The following LAMC1 variants were observed in gnomAD, a reference collection of about 807,000 sequenced individuals.
The protein encoded by LAMC1 is laminin subunit gamma-1.
In LAMC1, 38 loss-of-function variants were observed where a neutral mutation model predicts 173.6. The ratio of observed to expected loss-of-function variants is 0.22; its 90% CI spans 0.17 to 0.29. The LOEUF (loss-of-function observed/expected upper bound fraction) is 0.29, where lower values mean the gene tolerates loss of function less well. LAMC1 is among the 10% of genes least tolerant of loss of function. LAMC1 has a pLI of 1.00. For synonymous variants in LAMC1, 746 were observed against 749.1 expected (o/e 1.00, Z 0.07); for missense variants, 1,824 against 2,051.8 (o/e 0.89, Z 2.14).
chr1:183,136,871 A>AG (rs948411738), intron 25 of LAMC1, among the ~76,000 whole-genome samples: 23 of 152,308 alleles, frequency 1.5e-4, no homozygotes, highest in African/African-American at 5.5e-4. Context: ...ACAAAAAATC[A>AG]GACTTTTTCT....
intron 1 of LAMC1, among the ~76,000 whole-genome samples, chr1:183,054,575 G>C (rs970218490): frequency 2.1e-4 from 32 of 152,214 alleles, no homozygotes; most frequent in African/African-American, 7.5e-4. Context: ...GGGTAAATAA[G>C]GTCTTTTGAC....
rs111291713 is a variant in LAMC1, at chr1:183,087,817, CT to C, written c.419-15498del. ...GCATTTATTTATTTTCTTTTCTTTC[CT>C]TTTTTTTTTTTTGAGACGGAGTTTT... is the stretch of plus-strand genomic sequence containing the variant. On this transcript the variant is annotated intron_variant, in intron 1 of 27. Coordinates refer to ENST00000258341, the MANE Select transcript of LAMC1 (RefSeq NM_002293.4). 1.6e-3 allele frequency among the ~76,000 whole-genome samples: 235 copies of C among 143,404 alleles called. 1 individual carries two copies. The highest frequency in any genetic ancestry group is 8.6e-3 in the East Asian group (43 of 5,000). The allele number at this position is 143,404 out of a possible 152,430, so 94.1% of individuals were successfully genotyped here. A position where few individuals can be genotyped will look rare whatever the true frequency, so the allele number is the denominator to read the frequency against.
chr1:183,052,535 T>C (rs185436357), intron 1 of LAMC1, among the ~76,000 whole-genome samples: 2 of 152,286 alleles, frequency 1.3e-5, no homozygotes, highest in East Asian at 3.9e-4. Flanking sequence ...AGTTTCACCA[T>C]GTTGGCCAGG....
chr1:183,132,853 AG>A (rs1441305632), intron 21 of LAMC1, among the ~76,000 whole-genome samples: 2 of 152,204 alleles, frequency 1.3e-5, no homozygotes, highest in Non-Finnish European at 2.9e-5. Flanking sequence ...AAATCTTTAA[AG>A]GGTGTCTGAA....
At chr1:183,129,456 G>C (rs1392647048) in intron 18 of LAMC1, among the ~76,000 whole-genome samples, 2 of 152,132 alleles carry the variant, frequency 1.3e-5, no homozygotes, top group African/African-American at 4.8e-5. Context: ...AGTTAGGCAA[G>C]AGTTTGTAGA....
intron 1 of LAMC1, among the ~76,000 whole-genome samples, chr1:183,084,372 A>C (rs889732727): frequency 6.6e-6 from 1 of 152,106 alleles, no homozygotes; most frequent in Non-Finnish European, 1.5e-5. Context: ...CATATTATTT[A>C]CAACATCAGC....
chr1:183,050,856 A>C (rs1654406418), intron 1 of LAMC1, among the ~76,000 whole-genome samples: 1 of 144,742 alleles, frequency 6.9e-6, no homozygotes, highest in Non-Finnish European at 1.5e-5. Context: ...GTGCTGTTGC[A>C]TTCCAGCCTG....
chr1:183,057,889 T>C (rs551508573), intron 1 of LAMC1, among the ~76,000 whole-genome samples: 2 of 152,334 alleles, frequency 1.3e-5, no homozygotes, highest in African/African-American at 4.8e-5. Flanking sequence ...ATAAATATTA[T>C]GTGCTCTAAC....
intron 2 of LAMC1, among the ~76,000 whole-genome samples, chr1:183,103,917 G>A (rs530755859): frequency 1.6e-4 from 25 of 152,212 alleles, no homozygotes; most frequent in African/African-American, 4.1e-4. Context: ...CAATTTTAAC[G>A]TTAGTCTCTG....
chr1:183,142,394 C>G (rs1657138517), intron 27 of LAMC1, 140 bp from the exon 28 acceptor site: 3 of 826,872 alleles, frequency 3.6e-6, no homozygotes, highest in South Asian at 3.6e-5. Flanking sequence ...TGTGTGACAT[C>G]AACAATCTGC....
intron 1 of LAMC1, among the ~76,000 whole-genome samples, chr1:183,077,207 C>T (rs1394475038): frequency 6.6e-6 from 1 of 152,126 alleles, no homozygotes; most frequent in East Asian, 1.9e-4. Context: ...TGGTGAAAGT[C>T]TTAGGGAAGT....
chr1:183,071,612 C>G (rs1655013274), intron 1 of LAMC1, among the ~76,000 whole-genome samples: 1 of 152,198 alleles, frequency 6.6e-6, no homozygotes, highest in South Asian at 2.1e-4. Context: ...CACAGCTCAG[C>G]TGAAGTAAAA....
At chr1:183,108,594 T>G (rs1185765300) in intron 3 of LAMC1, among the ~76,000 whole-genome samples, 188 bp downstream of exon 3, 3 of 152,248 alleles carry the variant, frequency 2.0e-5, no homozygotes, top group Non-Finnish European at 4.4e-5. Context: ...ATATTTTCAC[T>G]GTGAGATCTT....
chr1:183,103,291 C>T (rs773444898), intron 1 of LAMC1, 37 bp from the exon 2 acceptor site: 19 of 1,577,602 alleles, frequency 1.2e-5, no homozygotes, highest in African/African-American at 4.0e-5. Flanking sequence ...TTGCTTCATA[C>T]GTATGATTTA....
rs1308828798 is a variant in LAMC1, at chr1:183,120,908, T to C, written c.1991-815T>C. The stretch of plus-strand genomic sequence containing the variant: ...GAGTATTACCTGTTGACAGGTGCTT[T>C]CCCTTCTGTCTTACCCTTGAACTCT... On this transcript the variant is annotated intron_variant, in intron 11 of 27. Coordinates refer to ENST00000258341, the MANE Select transcript of LAMC1 (RefSeq NM_002293.4). Among the ~76,000 whole-genome samples the C allele has an allele frequency of 2.6e-5, 4 of 152,180 alleles. No individual in the cohort carries two copies. In the East Asian group the frequency reaches 7.7e-4, roughly 29 times the overall value.
chr1:183,104,568 A>G (rs1159143401), intron 2 of LAMC1, among the ~76,000 whole-genome samples: 2 of 152,214 alleles, frequency 1.3e-5, no homozygotes, highest in Non-Finnish European at 2.9e-5. Flanking sequence ...CATTATATGA[A>G]AAGCTATTGT....
chr1:183,026,318 G>A (rs557263320), intron 1 of LAMC1, among the ~76,000 whole-genome samples: 76 of 152,220 alleles, frequency 5.0e-4, no homozygotes, highest in African/African-American at 1.7e-3. Flanking sequence ...GATCAGAAAT[G>A]ACATCCTGGA....
At chr1:183,094,940 G>A (rs991767083) in intron 1 of LAMC1, among the ~76,000 whole-genome samples, 2 of 38,124 alleles carry the variant, frequency 5.2e-5, no homozygotes, top group Non-Finnish European at 7.3e-5. Context: ...TCTGCCTCCC[G>A]ATTCAAGTGA....
chr1:183,108,442 G>A, intron 3 of LAMC1, 36 bp downstream of exon 3: 1 of 1,593,630 alleles, frequency 6.3e-7, no homozygotes, highest in Non-Finnish European at 8.6e-7. Context: ...GAAAGTGTTT[G>A]GAGCTTTTGC....
Sources: allele counts gnomAD v4.1 joint callset (sites outside exome capture counted in the v4.1 genomes callset), GRCh38; gene constraint gnomAD v4.1.1; transcripts MANE v1.5; gene names NCBI Gene and HGNC (gene_info 2026-07-23, HGNC 2026-07-21).